Variants in MAST2 observed in about 807,000 individuals in gnomAD.
MAST2 encodes microtubule associated serine/threonine kinase 2.
Under a neutral mutation model 147.4 loss-of-function variants are expected in MAST2, and 70 were observed. The observed-to-expected ratio is 0.47, with a 90% CI of 0.39 to 0.58. MAST2 has a LOEUF of 0.58. MAST2 is among the 20% of genes least tolerant of loss of function. MAST2 has a pLI of 0.00. For missense variants in MAST2, 2,080 were observed against 2,302.3 expected, an observed-to-expected ratio of 0.90 and a Z score of 1.98; for synonymous variants, 869 against 896.8, an observed-to-expected ratio of 0.97 and a Z score of 0.55.
intron 4 of MAST2, among the ~76,000 whole-genome samples, chr1:45,953,888 T>TA (rs1659288459): frequency 6.6e-6 from 1 of 152,154 alleles, no homozygotes; most frequent in Non-Finnish European, 1.5e-5. Context: ...ATATAATGGA[T>TA]ACGTAATAAT....
At chr1:45,913,182 A>G (rs995628141) in intron 4 of MAST2, among the ~76,000 whole-genome samples, 7 of 152,242 alleles carry the variant, frequency 4.6e-5, no homozygotes, top group African/African-American at 1.7e-4. Context: ...AGTTGGTCAG[A>G]TTCGGCATTT....
intron 3 of MAST2, among the ~76,000 whole-genome samples, chr1:45,861,716 C>CT (rs541818577): frequency 3.8e-4 from 55 of 145,052 alleles, no homozygotes; most frequent in Non-Finnish European, 2.0e-4. Context: ...TCAAGAATAA[C>CT]TTTTTTTTTG....
Position 46,034,980 on chromosome 1 carries a change from AAAG to A in MAST2, c.4315_4317del (p.Lys1439del), listed in dbSNP as rs1421722868. 2.5e-6 allele frequency: 4 copies of A among 1,614,054 alleles called. No homozygotes were observed. The highest frequency in any genetic ancestry group is 2.5e-6 in the Non-Finnish European group (3 of 1,180,024). On this transcript the variant is annotated inframe_deletion, in exon 29 of 29. Coordinates refer to ENST00000361297, the MANE Select transcript of MAST2 (RefSeq NM_015112.3). ...GCCTTGACCTGCCCCACTCTGAACT[AAAG>A]AAGGAACTGCCGCCCAGGGAAGTGA...
intron 4 of MAST2, among the ~76,000 whole-genome samples, chr1:45,954,341 C>G (rs1468707012): frequency 6.6e-6 from 1 of 152,138 alleles, no homozygotes; most frequent in South Asian, 2.1e-4. Flanking sequence ...AAACGATCTA[C>G]TACTCTCCAA....
chr1:46,030,939 C>T lies in MAST2; in HGVS notation c.2709-68C>T. 4.5e-6 allele frequency: 7 copies of T among 1,560,718 alleles called. No individual in the cohort carries two copies. The South Asian group carries it at 6.0e-5, about 13-fold the overall frequency. On this transcript the variant is annotated intron_variant, in intron 22 of 28. Transcript: ENST00000361297. ...TTCTGTTACTATAACCCTTGTGTGC[C>T]CCTAAGGAGACCTGGCAGGAGGAGG...
intron 4 of MAST2, among the ~76,000 whole-genome samples, chr1:45,899,667 C>T (rs1649408041): frequency 1.3e-5 from 2 of 152,130 alleles, no homozygotes; most frequent in Admixed American, 6.5e-5. Flanking sequence ...CATAGTATTC[C>T]ATGGTATATA....
intron 3 of MAST2, among the ~76,000 whole-genome samples, chr1:45,835,452 T>C (rs1189969911): frequency 5.9e-5 from 9 of 152,298 alleles, no homozygotes; most frequent in South Asian, 2.1e-4. Flanking sequence ...ACTGTGATTA[T>C]AGCAAACTGC....
chr1:46,028,648 G>A (rs1646511226), intron 17 of MAST2, 120 bp from the exon 18 acceptor site: 2 of 984,324 alleles, frequency 2.0e-6, no homozygotes, highest in East Asian at 4.8e-5. Context: ...CATTAACTAA[G>A]GTGGGCTGAG....
intron 4 of MAST2, among the ~76,000 whole-genome samples, chr1:45,941,841 G>T (rs1479074314): frequency 2.0e-5 from 3 of 152,290 alleles, no homozygotes; most frequent in African/African-American, 2.4e-5. Context: ...TGAGATGGTT[G>T]TGTAGTTTTT....
At chr1:45,930,337 C>A (rs999249526) in intron 4 of MAST2, among the ~76,000 whole-genome samples, 2 of 152,106 alleles carry the variant, frequency 1.3e-5, no homozygotes, top group African/African-American at 4.8e-5. Context: ...CCTTGGCCTC[C>A]CAAAGTGCTG....
chr1:45,827,610 A>C (rs1644832383), intron 2 of MAST2, among the ~76,000 whole-genome samples: 1 of 152,014 alleles, frequency 6.6e-6, no homozygotes, highest in East Asian at 1.9e-4. Context: ...GGCAGGCTCT[A>C]CTCTGGGCTT....
Position 46,031,212 on chromosome 1 carries a change from C to A in MAST2, c.2914C>A (p.Pro972Thr). Residue 972 changes from proline to threonine, a missense_variant, in exon 23 of 29, where the codon CCT becomes ACT. By Grantham distance (38) the Pro-to-Thr change is conservative. Transcript: ENST00000361297. This position sits in a 1 kb window ranked among gnomAD's most constrained non-coding sequence, Gnocchi z 4.1. ...CCCATCTGGAGAGGGGGTATCTGGG[C>A]CTGTCACTGAACACTCAGGGGAGCA... ...TPPSGEGVSG[P>T]VTEHSGEQRP... 1 of 1,556,506 alleles carries A rather than the reference C, an allele frequency of 6.4e-7. No individual in the cohort carries two copies. The highest frequency in any genetic ancestry group is 8.7e-7 in the Non-Finnish European group (1 of 1,148,716).
rs980444812 is a variant in MAST2, at chr1:46,029,200, A to G, written c.2219-266A>G. ...TCCTGTCTGTGTATGTGCACATCCC[A>G]TAAGTGTGAGGGGTACGTCTGTGTA... On this transcript the variant is annotated intron_variant, in intron 18 of 28. Transcript: ENST00000361297. The G allele has an allele frequency of 1.1e-4, 59 of 549,912 alleles. 5 individuals carry two copies. Among genetic ancestry groups the G allele is most frequent in the East Asian group, 2.9e-5 (1 of 35,028 alleles). The allele number at this position is 549,912 out of a possible 1,614,324, so 34.1% of individuals were successfully genotyped here. A position where few individuals can be genotyped will look rare whatever the true frequency, so the allele number is the denominator to read the frequency against.
chr1:46,032,000 C>T lies in MAST2; in HGVS notation c.3188-178C>T, dbSNP rs1646690117. On this transcript the variant is annotated intron_variant, in intron 24 of 28. Coordinates refer to ENST00000361297, the MANE Select transcript of MAST2 (RefSeq NM_015112.3). This position sits in a 1 kb window ranked among gnomAD's most constrained non-coding sequence, Gnocchi z 4.1. The stretch of plus-strand genomic sequence containing the variant: ...AATGCTAGCTGCCATTTCTCATCAC[C>T]ACCACCGTCTCTTGGGGTCTGGACA... Among the ~76,000 whole-genome samples the T allele has an allele frequency of 6.6e-6, 1 of 152,172 alleles. No homozygotes were observed. The highest frequency in any genetic ancestry group is 2.4e-5 in the African/African-American group (1 of 41,432).
intron 3 of MAST2, among the ~76,000 whole-genome samples, chr1:45,867,937 C>T (rs2148132032): frequency 6.6e-6 from 1 of 152,304 alleles, no homozygotes; most frequent in South Asian, 2.1e-4. Context: ...CTTTTGCCTT[C>T]CTCTGTGTTT....
intron 3 of MAST2, among the ~76,000 whole-genome samples, chr1:45,833,930 C>G (rs988836089): frequency 8.6e-5 from 13 of 151,832 alleles, no homozygotes; most frequent in African/African-American, 3.1e-4. Context: ...TCTTCTCTTC[C>G]CATTCTCCCG....
At chr1:45,815,991 A>G (rs1644439310) in intron 1 of MAST2, among the ~76,000 whole-genome samples, 3 of 152,214 alleles carry the variant, frequency 2.0e-5, no homozygotes. Context: ...AGAACCATAC[A>G]GAAATCCATT....
At chr1:45,983,087 T>C (rs148710389) in intron 5 of MAST2, among the ~76,000 whole-genome samples, 110 of 152,354 alleles carry the variant, frequency 7.2e-4, no homozygotes, top group Middle Eastern at 3.4e-3. Context: ...TGTTTTTTGC[T>C]ATTACCCTGG....
At chr1:46,016,074 C>G in intron 10 of MAST2, among the ~76,000 whole-genome samples, 1 of 151,696 alleles carries the variant, frequency 6.6e-6, no homozygotes, top group African/African-American at 2.4e-5. Context: ...AAGACAAAAA[C>G]CACATGATTA....
Sources: gnomAD v4.1 joint callset for allele counts (sites outside exome capture counted in the v4.1 genomes callset) on GRCh38, gnomAD v4.1.1 for gene constraint, Gnocchi (gnomAD v3.1) non-coding constraint, MANE v1.5 for transcripts, NCBI Gene and HGNC (gene_info 2026-07-23, HGNC 2026-07-21) for gene names.